The following EGFLAM variants were observed in gnomAD, a reference collection of about 807,000 sequenced individuals.
EGFLAM encodes the protein pikachurin.
Under a neutral mutation model 113.1 loss-of-function variants are expected in EGFLAM, and 79 were observed. The ratio of observed to expected loss-of-function variants is 0.70; its 90% CI spans 0.58 to 0.84. The LOEUF is 0.84. EGFLAM is among the 40% of genes least tolerant of loss of function. The pLI, the probability that EGFLAM is intolerant of heterozygous loss-of-function variation, is 0.00. For synonymous variants in EGFLAM, 504 were observed against 487.6 expected, an observed-to-expected ratio of 1.03 and a Z score of -0.44; for missense variants, 1,265 against 1,291.6, an observed-to-expected ratio of 0.98 and a Z score of 0.32.
chr5:38,420,277 A>G (rs1246388495), intron 12 of EGFLAM, among the ~76,000 whole-genome samples: 1 of 152,254 alleles, frequency 6.6e-6, no homozygotes, highest in African/African-American at 2.4e-5. Context: ...TTACTTAACA[A>G]AAATAGTTTA....
At chr5:38,384,119 G>A (rs1740593693) in intron 6 of EGFLAM, among the ~76,000 whole-genome samples, 1 of 152,130 alleles carries the variant, frequency 6.6e-6, no homozygotes, top group African/African-American at 2.4e-5. Context: ...GCTCACTGGA[G>A]AGGAAGGAGA....
intron 17 of EGFLAM, among the ~76,000 whole-genome samples, chr5:38,444,946 A>G (rs1742660050): frequency 6.6e-6 from 1 of 152,220 alleles, no homozygotes; most frequent in African/African-American, 2.4e-5. Flanking sequence ...CTCTGTCTCA[A>G]AAAATAATAA....
In EGFLAM at chr5:38,406,742, C is replaced by G. The variant is rs1435185624; in HGVS notation, c.829-86C>G. ...GGGTTTTTGGAAGTGACCATGTTTT[C>G]AAGTACTAGGCAACAACTATAAATA... On this transcript the variant is annotated intron_variant, in intron 7 of 21. Transcript: ENST00000322350. 15 of 1,330,900 alleles carry G rather than the reference C, an allele frequency of 1.1e-5. No homozygotes were observed. In the Admixed American group the frequency reaches 1.3e-4, roughly 12 times the overall value. 82.4% of individuals were successfully genotyped at this position (1,330,900 alleles called of 1,614,324 possible).
chr5:38,446,074 AG>A (rs1304394201), intron 17 of EGFLAM, among the ~76,000 whole-genome samples: 1 of 152,138 alleles, frequency 6.6e-6, no homozygotes, highest in African/African-American at 2.4e-5. Flanking sequence ...CAAACCCACC[AG>A]GGACTCCTTG....
At chr5:38,460,892 C>A (rs1743249408) in intron 20 of EGFLAM, 1 of 152,322 alleles carries the variant, frequency 6.6e-6, no homozygotes, top group Middle Eastern at 3.4e-3. Context: ...TCTGGGGCAT[C>A]CTGCTCTTGC....
intron 1 of EGFLAM, among the ~76,000 whole-genome samples, chr5:38,291,865 C>T (rs987089730): frequency 6.6e-6 from 1 of 152,232 alleles, no homozygotes; most frequent in African/African-American, 2.4e-5. Flanking sequence ...TTCCACCTGG[C>T]TCTTCCTCGC....
At chr5:38,372,435 A>G (rs76582983) in intron 6 of EGFLAM, among the ~76,000 whole-genome samples, 15,551 of 152,276 alleles carry the variant, frequency 0.1, 963 homozygotes, top group Non-Finnish European at 0.14. Flanking sequence ...CTGGGATTAC[A>G]GGCATGAGCC....
chr5:38,304,413 T>C (rs1758673668), intron 1 of EGFLAM, among the ~76,000 whole-genome samples: 1 of 152,106 alleles, frequency 6.6e-6, no homozygotes, highest in Non-Finnish European at 1.5e-5. Context: ...GGGGCATCCA[T>C]CACAATTGGA....
chr5:38,390,129 C>G (rs896794706), intron 6 of EGFLAM, among the ~76,000 whole-genome samples: 2 of 152,118 alleles, frequency 1.3e-5, no homozygotes, highest in South Asian at 2.1e-4. Context: ...TATTCCCTTC[C>G]CGCTTCCTGA....
intron 1 of EGFLAM, among the ~76,000 whole-genome samples, chr5:38,299,017 A>G (rs764908831): frequency 8.5e-5 from 13 of 152,216 alleles, no homozygotes; most frequent in African/African-American, 2.7e-4. Flanking sequence ...AATATTGGAT[A>G]TGGGCACAAT....
chr5:38,366,138 A>T (rs1740053678), intron 5 of EGFLAM, among the ~76,000 whole-genome samples: 1 of 152,096 alleles, frequency 6.6e-6, no homozygotes, highest in Non-Finnish European at 1.5e-5. Context: ...CCTCCACCTA[A>T]GCCAGCAGTA....
chr5:38,420,585 A>G (rs1388620151), intron 12 of EGFLAM, among the ~76,000 whole-genome samples: 2 of 152,202 alleles, frequency 1.3e-5, no homozygotes, highest in African/African-American at 2.4e-5. Context: ...AAGCACTTAG[A>G]ATAGGGCTTT....
intron 3 of EGFLAM, among the ~76,000 whole-genome samples, chr5:38,349,468 A>G (rs1029489596): frequency 3.3e-5 from 5 of 152,188 alleles, no homozygotes; most frequent in African/African-American, 9.7e-5. Flanking sequence ...CAATCATGCA[A>G]GATGGTTATA....
intron 19 of EGFLAM, 169 bp downstream of exon 19, chr5:38,451,627 C>A: frequency 2.0e-6 from 2 of 998,286 alleles, no homozygotes; most frequent in Non-Finnish European, 2.8e-6. Context: ...CAACATTCAT[C>A]TTATAGAGCA....
intron 1 of EGFLAM, among the ~76,000 whole-genome samples, chr5:38,297,060 C>T (rs11953453): frequency 2.6e-5 from 4 of 151,980 alleles, no homozygotes; most frequent in Non-Finnish European, 4.4e-5. Context: ...TGTTACAGAT[C>T]GGGGGAGATT....
At chr5:38,348,409 T>C (rs544825873) in intron 3 of EGFLAM, among the ~76,000 whole-genome samples, 1 of 151,860 alleles carries the variant, frequency 6.6e-6, no homozygotes, top group African/African-American at 2.4e-5. Flanking sequence ...ATGGAGGGTA[T>C]TGGAAAGGAG....
chr5:38,431,950 G>T, intron 15 of EGFLAM, among the ~76,000 whole-genome samples: 1 of 152,114 alleles, frequency 6.6e-6, no homozygotes, highest in East Asian at 1.9e-4. Flanking sequence ...AATAGTGTAT[G>T]GTTATGGACT....
intron 6 of EGFLAM, among the ~76,000 whole-genome samples, chr5:38,398,705 A>G (rs1169066351): frequency 1.3e-5 from 2 of 152,216 alleles, no homozygotes; most frequent in African/African-American, 2.4e-5. Flanking sequence ...ATGAGGCTCA[A>G]GCTTGCAGGG....
chr5:38,463,728 T>A, intron 21 of EGFLAM, 104 bp from the exon 22 acceptor site: 1 of 1,400,778 alleles, frequency 7.1e-7, no homozygotes, highest in Non-Finnish European at 9.9e-7. Context: ...AATCAAGGGA[T>A]GCCTTGGCCA....
Sources: gnomAD v4.1 joint callset for allele counts (sites outside exome capture counted in the v4.1 genomes callset) on GRCh38, gnomAD v4.1.1 for gene constraint, MANE v1.5 for transcripts, NCBI Gene and HGNC (gene_info 2026-07-23, HGNC 2026-07-21) for gene names.